Variants in WDR82 observed in about 807,000 individuals in gnomAD.
The protein encoded by WDR82 is WD repeat domain 82.
In WDR82, 8 loss-of-function variants were observed where a neutral mutation model predicts 36.1. The observed-to-expected ratio is 0.22, with a 90% CI of 0.13 to 0.40. The LOEUF (loss-of-function observed/expected upper bound fraction) is 0.40. Ranked by LOEUF, WDR82 falls within the 10% of genes least tolerant of loss-of-function variation. The pLI, the probability that WDR82 is intolerant of heterozygous loss-of-function variation, is 1.00. For missense variants in WDR82, 185 were observed against 400.5 expected (o/e 0.46, Z 4.59); for synonymous variants, 129 against 137.8 (o/e 0.94, Z 0.45).
intron 1 of WDR82, among the ~76,000 whole-genome samples, chr3:52,277,415 T>C (rs552724189): frequency 3.9e-4 from 59 of 151,168 alleles, no homozygotes; most frequent in African/African-American, 1.4e-3. Context: ...AAAAGTGTAA[T>C]AGAAAAAAAA....
At chr3:52,260,955 G>A (rs1017982325) in intron 4 of WDR82, among the ~76,000 whole-genome samples, 1 of 152,094 alleles carries the variant, frequency 6.6e-6, no homozygotes, top group Admixed American at 6.6e-5. Flanking sequence ...GAGAAACCCC[G>A]TCTCTACTAA....
At chr3:52,275,088 G>T (rs1311704722) in intron 1 of WDR82, among the ~76,000 whole-genome samples, 1 of 151,450 alleles carries the variant, frequency 6.6e-6, no homozygotes, top group Non-Finnish European at 1.5e-5. Flanking sequence ...AGGTGTGGTG[G>T]CGCATGCCTG....
chr3:52,277,168 G>C (rs1700211761), intron 1 of WDR82, among the ~76,000 whole-genome samples: 2 of 151,786 alleles, frequency 1.3e-5, no homozygotes, highest in Non-Finnish European at 2.9e-5. Context: ...CCAAACATCA[G>C]CAAGCCTTCT....
intron 3 of WDR82, among the ~76,000 whole-genome samples, chr3:52,263,308 A>G (rs2107333852): frequency 6.6e-6 from 1 of 152,344 alleles, no homozygotes; most frequent in East Asian, 1.9e-4. Flanking sequence ...AGAGGACCAG[A>G]GAAGGCTTCT....
intron 3 of WDR82, 123 bp from the exon 4 acceptor site, chr3:52,261,602 G>A: frequency 5.8e-5 from 39 of 667,234 alleles, no homozygotes; most frequent in South Asian, 3.6e-4. Context: ...GCCATTTTAA[G>A]AAACACAATA....
At chr3:52,271,279 A>G (rs1700151246) in intron 1 of WDR82, among the ~76,000 whole-genome samples, 1 of 152,232 alleles carries the variant, frequency 6.6e-6, no homozygotes, top group Admixed American at 6.5e-5. Context: ...ACGCTATATT[A>G]TAATTGCCTA....
intron 5 of WDR82, 137 bp from the exon 6 acceptor site, chr3:52,260,009 A>C: frequency 1.8e-6 from 2 of 1,101,394 alleles, no homozygotes; most frequent in Non-Finnish European, 2.5e-6. Flanking sequence ...ACTCTCTAAT[A>C]TCTACCACAT....
chr3:52,266,392 T>G (rs1313518274), intron 3 of WDR82, among the ~76,000 whole-genome samples: 1 of 152,100 alleles, frequency 6.6e-6, no homozygotes, highest in Non-Finnish European at 1.5e-5. Context: ...ACTAGAAATA[T>G]ATATATCTAA....
intron 2 of WDR82, among the ~76,000 whole-genome samples, chr3:52,269,749 A>G (rs947013217): frequency 6.6e-6 from 1 of 152,186 alleles, no homozygotes; most frequent in Admixed American, 6.5e-5. Flanking sequence ...AAACAGACAA[A>G]CAAAAGAAAA....
intron 4 of WDR82, 35 bp from the exon 5 acceptor site, chr3:52,260,536 C>T (rs756787033): frequency 8.3e-6 from 12 of 1,443,192 alleles, no homozygotes; most frequent in Non-Finnish European, 1.1e-5. Flanking sequence ...CACTAAAACA[C>T]ACATGCCACA....
chr3:52,267,319 G>A (rs1578008555), intron 2 of WDR82: 2 of 263,492 alleles, frequency 7.6e-6, no homozygotes, highest in South Asian at 3.7e-5. Flanking sequence ...AATATACCCT[G>A]GTCAAAAAAC....
intron 3 of WDR82, among the ~76,000 whole-genome samples, chr3:52,263,752 A>G (rs1386025955): frequency 6.6e-6 from 1 of 152,262 alleles, no homozygotes; most frequent in Non-Finnish European, 1.5e-5. Context: ...AGATGAATAA[A>G]TATGAGGAAG....
chr3:52,277,948 G>A (rs1700221557), intron 1 of WDR82, among the ~76,000 whole-genome samples: 1 of 152,184 alleles, frequency 6.6e-6, no homozygotes, highest in Non-Finnish European at 1.5e-5. Flanking sequence ...TTTGGCAAGT[G>A]ATGCATAGCG....
At chr3:52,278,119 A>ACGTC (rs1408886421) in intron 1 of WDR82, 82 bp downstream of exon 1, 7 of 1,372,474 alleles carry the variant, frequency 5.1e-6, no homozygotes, top group Non-Finnish European at 6.7e-6. Flanking sequence ...TGAAGTCGGG[A>ACGTC]CGGAGGGCAG....
intron 1 of WDR82, among the ~76,000 whole-genome samples, chr3:52,271,714 G>A (rs151193963): frequency 8.1e-4 from 123 of 152,170 alleles, no homozygotes; most frequent in African/African-American, 2.4e-3. Context: ...GGTCAAAAGC[G>A]CTTGCTGAGC....
intron 2 of WDR82, among the ~76,000 whole-genome samples, chr3:52,269,740 AACAG>A (rs1226895132): frequency 6.6e-6 from 1 of 152,212 alleles, no homozygotes; most frequent in African/African-American, 2.4e-5. Flanking sequence ...AAAAAATAAA[AACAG>A]ACAAACAAAA....
At chr3:52,259,175 C>T in intron 7 of WDR82, 22 bp downstream of exon 7, 3 of 1,606,508 alleles carry the variant, frequency 1.9e-6, no homozygotes, top group Non-Finnish European at 2.6e-6. Flanking sequence ...ATAACCCCCA[C>T]AGGGGATAAA....
At chr3:52,275,460 G>C (rs926668415) in intron 1 of WDR82, among the ~76,000 whole-genome samples, 3 of 152,172 alleles carry the variant, frequency 2.0e-5, no homozygotes, top group Admixed American at 1.3e-4. Flanking sequence ...CTTCACCACA[G>C]ATAATGAAAC....
At chr3:52,264,404 G>A (rs1303204965) in intron 3 of WDR82, among the ~76,000 whole-genome samples, 1 of 152,128 alleles carries the variant, frequency 6.6e-6, no homozygotes, top group Non-Finnish European at 1.5e-5. Flanking sequence ...TTTACTGAGA[G>A]GTTAAGCACC....
Sources: allele counts gnomAD v4.1 joint callset (sites outside exome capture counted in the v4.1 genomes callset), GRCh38; gene constraint gnomAD v4.1.1; transcripts MANE v1.5; gene names NCBI Gene and HGNC (gene_info 2026-07-23, HGNC 2026-07-21).